The following C4orf50 variants were observed in gnomAD, a reference collection of about 807,000 sequenced individuals.
The protein encoded by C4orf50 is uncharacterized protein C4orf50.
C4orf50 carries 80 observed loss-of-function variants against 77.2 expected under a neutral mutation model. That is an observed-to-expected ratio of 1.04 (90% CI 0.87 to 1.25). The LOEUF is 1.25. Among genes scored for constraint, C4orf50 ranks in the 50% most tolerant of loss-of-function variants. The pLI is 0.00. For missense variants in C4orf50, 1,257 were observed against 1,152.9 expected, an observed-to-expected ratio of 1.09 and a Z score of -1.31; for synonymous variants, 532 against 465.3, an observed-to-expected ratio of 1.14 and a Z score of -1.84.
chr4:5,953,833 A>T (rs1030903712), downstream of C4orf50, among the ~76,000 whole-genome samples: 1 of 152,240 alleles, frequency 6.6e-6, no homozygotes, highest in Non-Finnish European at 1.5e-5. Context: ...AATTGCAAAA[A>T]GATGCCCGTT....
In C4orf50 at chr4:5,959,489, TG is replaced by T. The variant is rs1477676979; in HGVS notation, c.4412del (p.Pro1471GlnfsTer7). On this transcript the variant is annotated frameshift_variant, in exon 34 of 34. Transcript: ENST00000531445. LOFTEE classifies it low-confidence loss of function (END_TRUNC). ...CTGGGCTCAGGAGCTCAGAGGGTGC[TG>T]GGACGTTATCGACTTGGAGGGCAGG... 4 of 1,614,082 alleles carry T rather than the reference TG, an allele frequency of 2.5e-6. No individual in the cohort carries two copies. In the Admixed American group the frequency reaches 5.0e-5, roughly 20 times the overall value.
chr4:5,917,523 C>G (rs1290656499), intron 7 of C4orf50, among the ~76,000 whole-genome samples: 2 of 150,056 alleles, frequency 1.3e-5, no homozygotes, highest in Non-Finnish European at 3.0e-5. Context: ...AAGCGATACT[C>G]CTGCCTCAGC....
intron 7 of C4orf50, among the ~76,000 whole-genome samples, chr4:5,939,511 C>T (rs558871652): frequency 6.6e-5 from 10 of 152,324 alleles, no homozygotes; most frequent in African/African-American, 1.7e-4. Context: ...TGCTCACTGA[C>T]GGCTGCTCCA....
intron 28 of C4orf50, among the ~76,000 whole-genome samples, chr4:5,988,085 C>G: frequency 6.6e-6 from 1 of 152,186 alleles, no homozygotes; most frequent in Non-Finnish European, 1.5e-5. Flanking sequence ...GAGGGGCAGG[C>G]TTGAATCTCC....
chr4:5,902,612 G>A (rs1353965135), intron 7 of C4orf50: 1 of 152,112 alleles, frequency 6.6e-6, no homozygotes, highest in Non-Finnish European at 1.5e-5. Context: ...GTTAATCCTT[G>A]TAATAGCCCA....
chr4:5,974,086 C>A (rs1720110951), intron 30 of C4orf50, among the ~76,000 whole-genome samples: 1 of 152,174 alleles, frequency 6.6e-6, no homozygotes, highest in Non-Finnish European at 1.5e-5. Context: ...AGGCTCAAGG[C>A]AGCAGGGGTC....
At chr4:5,904,715 T>C (rs1384987397) in intron 7 of C4orf50, 1 of 152,222 alleles carries the variant, frequency 6.6e-6, no homozygotes, top group Admixed American at 6.5e-5. Context: ...ATGAAATCCA[T>C]GCTCCTTCTC....
Position 6,000,957 on chromosome 4 carries a change from T to A in C4orf50, c.964-6481A>T, listed in dbSNP as rs1281617990. 6.6e-6 allele frequency among the ~76,000 whole-genome samples: 1 copy of A among 152,024 alleles called. No individual in the cohort carries two copies. The highest frequency in any genetic ancestry group is 1.5e-5 in the Non-Finnish European group (1 of 68,016). Reference sequence around the variant, plus strand: ...CTGAGTCCCCTCCAAGGGCAACCCATCGGTAAGTGGCAGGAGAGCCCACCT... The same window carrying A: ...CTGAGTCCCCTCCAAGGGCAACCCAACGGTAAGTGGCAGGAGAGCCCACCT... On this transcript the variant is annotated intron_variant, in intron 25 of 33. Coordinates refer to ENST00000531445, the Ensembl canonical transcript of C4orf50. This position sits in a 1 kb window ranked among gnomAD's most constrained non-coding sequence, Gnocchi z 6.0.
At chr4:5,975,153 A>C (rs796541294) in intron 30 of C4orf50, among the ~76,000 whole-genome samples, 8 of 58,126 alleles carry the variant, frequency 1.4e-4, no homozygotes, top group African/African-American at 5.5e-4. Context: ...AAAAAAAAAA[A>C]AAAAAAAAAA....
chr4:5,952,271 A>C (rs900227011), downstream of C4orf50, among the ~76,000 whole-genome samples: 3 of 152,234 alleles, frequency 2.0e-5, no homozygotes, highest in Non-Finnish European at 4.4e-5. This position sits in a 1 kb window ranked among gnomAD's most constrained non-coding sequence, Gnocchi z 4.4. Flanking sequence ...TAGATAATAG[A>C]TAGATCAATA....
chr4:5,978,735 C>G (rs545679077), intron 29 of C4orf50, among the ~76,000 whole-genome samples: 1 of 152,270 alleles, frequency 6.6e-6, no homozygotes, highest in African/African-American at 2.4e-5. Flanking sequence ...GCCAGTAGTC[C>G]CAGCTCTCTG....
Position 5,975,973 on chromosome 4 carries a change from T to A in C4orf50, c.3865-18A>T. On this transcript the variant is annotated intron_variant, in intron 29 of 33. Transcript: ENST00000531445. ...TCTTCAAGCTGAAATAAAAGCGACA[T>A]TTTTGACAACACTGCACTGTCACTT... The A allele has an allele frequency of 6.2e-7, 1 of 1,611,734 alleles. No individual in the cohort carries two copies. The highest frequency in any genetic ancestry group is 8.5e-7 in the Non-Finnish European group (1 of 1,177,782).
At chr4:5,975,318 C>T (rs1720206807) in intron 30 of C4orf50, among the ~76,000 whole-genome samples, 2 of 152,086 alleles carry the variant, frequency 1.3e-5, no homozygotes, top group Admixed American at 1.3e-4. Flanking sequence ...AAAGTGCAGC[C>T]TCAAAGGCTG....
intron 7 of C4orf50, chr4:5,923,198 T>C (rs1388464015): frequency 6.5e-6 from 1 of 154,316 alleles, no homozygotes; most frequent in African/African-American, 2.4e-5. Context: ...GTTTTACAGA[T>C]GAGAAACTGA....
intron 28 of C4orf50, among the ~76,000 whole-genome samples, chr4:5,987,419 A>AAAAAAAAAAAAAAAAAG: frequency 6.9e-6 from 1 of 145,810 alleles, no homozygotes; most frequent in Non-Finnish European, 1.5e-5. Context: ...TCACAAAAAA[A>AAAAAAAAAAAAAAAAAG]AAAAAAAAAA....
At chr4:5,954,865 A>C (rs1006319227), downstream of C4orf50, among the ~76,000 whole-genome samples, 8 of 152,116 alleles carry the variant, frequency 5.3e-5, no homozygotes, top group African/African-American at 1.7e-4. This position sits in a 1 kb window ranked among gnomAD's most constrained non-coding sequence, Gnocchi z 4.7. Context: ...GCTGGTTGGG[A>C]GAGACCTGAG....
At position 5,947,263 on chromosome 4, in the gene C4orf50, C is replaced by T. The variant is rs1197107405; in HGVS notation, c.*2474+9638G>A. Among the ~76,000 whole-genome samples, 5 of 152,230 alleles carry T rather than the reference C, an allele frequency of 3.3e-5. No individual in the cohort carries two copies. In the East Asian group the frequency reaches 9.7e-4, roughly 29 times the overall value. ...GAGCTGTGTGACCTCCAAGAATGGCCTCCCTTCCTTACTGACCCCAATTTG... is the reference window on the plus strand; with the variant it reads ...GAGCTGTGTGACCTCCAAGAATGGCTTCCCTTCCTTACTGACCCCAATTTG... On this transcript the variant is annotated intron_variant, in intron 7 of 7. Coordinates refer to the C4orf50 transcript ENST00000324058.
chr4:5,985,914 G>T (rs1720829670), intron 28 of C4orf50, among the ~76,000 whole-genome samples: 1 of 152,120 alleles, frequency 6.6e-6, no homozygotes, highest in African/African-American at 2.4e-5. Flanking sequence ...GGTTGCAGTG[G>T]GCTGAGATCA....
At chr4:5,925,020 G>A (rs1288560384) in intron 7 of C4orf50, among the ~76,000 whole-genome samples, 1 of 152,044 alleles carries the variant, frequency 6.6e-6, no homozygotes, top group Non-Finnish European at 1.5e-5. Flanking sequence ...GGTTTGGGGG[G>A]TGGGGCAGGA....
Sources: allele counts gnomAD v4.1 joint callset (sites outside exome capture counted in the v4.1 genomes callset), GRCh38; gene constraint gnomAD v4.1.1; non-coding constraint Gnocchi (gnomAD v3.1); transcripts MANE v1.5; gene names NCBI Gene and HGNC (gene_info 2026-07-23, HGNC 2026-07-21).